The following HAO1 variants were observed in gnomAD, a reference collection of about 807,000 sequenced individuals.
HAO1 encodes hydroxyacid oxidase 1.
Under a neutral mutation model 39.7 loss-of-function variants are expected in HAO1, and 34 were observed. That is an observed-to-expected ratio of 0.86 (90% CI 0.65 to 1.14). The LOEUF is 1.14. Ranked by LOEUF, HAO1 falls within the 50% of genes most tolerant of loss-of-function variation. The pLI is 0.00. For synonymous variants in HAO1, 172 were observed against 173.2 expected (o/e 0.99, Z 0.05); for missense variants, 479 against 464.5 (o/e 1.03, Z -0.29).
intron 4 of HAO1, among the ~76,000 whole-genome samples, chr20:7,895,781 C>T (rs1446171423): frequency 6.6e-6 from 1 of 152,164 alleles, no homozygotes; most frequent in Non-Finnish European, 1.5e-5. Context: ...GGTGCAGTGG[C>T]TCATGCCTGT....
chr20:7,926,605 A>T (rs902287238), intron 2 of HAO1, among the ~76,000 whole-genome samples: 6 of 152,144 alleles, frequency 3.9e-5, no homozygotes, highest in Non-Finnish European at 7.4e-5. Flanking sequence ...AAAATCCAGA[A>T]AATTCAACAG....
At chr20:7,911,277 G>A (rs938549887) in intron 3 of HAO1, among the ~76,000 whole-genome samples, 8 of 152,130 alleles carry the variant, frequency 5.3e-5, no homozygotes, top group South Asian at 2.1e-4. Context: ...TGGCTGCTGC[G>A]ATCAATAAAT....
At chr20:7,911,822 C>CTA (rs1467826952) in intron 3 of HAO1, among the ~76,000 whole-genome samples, 2 of 152,236 alleles carry the variant, frequency 1.3e-5, no homozygotes, top group African/African-American at 4.8e-5. Context: ...GCTTCACTTT[C>CTA]TATGAGTCAG....
intron 3 of HAO1, among the ~76,000 whole-genome samples, chr20:7,910,170 C>A (rs1413856591): frequency 6.6e-6 from 1 of 152,076 alleles, no homozygotes; most frequent in Non-Finnish European, 1.5e-5. Flanking sequence ...AGAATCCCTG[C>A]CCATGGTAAG....
chr20:7,893,771 C>T (rs28599710), intron 5 of HAO1, among the ~76,000 whole-genome samples: 4,904 of 152,184 alleles, frequency 0.032, 273 homozygotes, highest in African/African-American at 0.11. Context: ...TTCAGAGAGA[C>T]TGATTTTAGT....
intron 2 of HAO1, among the ~76,000 whole-genome samples, chr20:7,923,408 A>C (rs1181486008): frequency 6.6e-6 from 1 of 152,176 alleles, no homozygotes; most frequent in Admixed American, 6.5e-5. Flanking sequence ...AAGCAAAAAT[A>C]GGAAATCCAT....
intron 2 of HAO1, among the ~76,000 whole-genome samples, chr20:7,914,930 C>G (rs769122893): frequency 6.6e-6 from 1 of 152,038 alleles, no homozygotes; most frequent in Non-Finnish European, 1.5e-5. Flanking sequence ...ACCAGCCTGA[C>G]CAACGTGGTG....
At chr20:7,940,240 C>A in intron 1 of HAO1, 46 bp downstream of exon 1, 1 of 1,483,424 alleles carries the variant, frequency 6.7e-7, no homozygotes, top group Non-Finnish European at 9.2e-7. Context: ...TTGGTACGGT[C>A]TTTGTGTAAT....
intron 3 of HAO1, among the ~76,000 whole-genome samples, chr20:7,909,379 G>GTATATATATA (rs869068490): frequency 1.8e-5 from 2 of 108,240 alleles, no homozygotes; most frequent in African/African-American, 4.4e-5. Flanking sequence ...ATATATATAT[G>GTATATATATA]TATATATATA....
At chr20:7,935,230 T>TA (rs1158159302) in intron 1 of HAO1, among the ~76,000 whole-genome samples, 1 of 152,160 alleles carries the variant, frequency 6.6e-6, no homozygotes, top group Non-Finnish European at 1.5e-5. Context: ...CATACAGGGG[T>TA]ACTATCATTT....
chr20:7,885,804 C>T lies in HAO1; in HGVS notation c.874G>A (p.Gly292Arg), dbSNP rs186791070. The change falls in exon 6 of 8, where the codon GGG becomes AGG. Residue 292 changes from glycine (G) to arginine (R), a missense_variant. Transcript: ENST00000378789. ...VEGKVEVFLD[G>R]GVRKGTDVLK... ...ACATCAGTGCCTTTCCGCACACCCCCGTCCAGGAAGACTTCCACCTTCCCT... is the reference window on the plus strand; with the variant it reads ...ACATCAGTGCCTTTCCGCACACCCCTGTCCAGGAAGACTTCCACCTTCCCT... 27 of 1,613,374 alleles carry T rather than the reference C, an allele frequency of 1.7e-5. No homozygotes were observed. Among genetic ancestry groups the T allele is most frequent in the Non-Finnish European group, 2.0e-5 (23 of 1,179,332 alleles).
chr20:7,883,572 A>T lies in HAO1; in HGVS notation c.*21T>A, dbSNP rs1359239824. On this transcript the variant is annotated 3_prime_UTR_variant, in exon 8 of 8. Transcript: ENST00000378789. ...TACATGCTGAAAAAAAATAATACAG[A>T]TGGGAAAATATTGTGCACTGTCAGA... 1 of 1,583,730 alleles carries T rather than the reference A, an allele frequency of 6.3e-7. No individual in the cohort carries two copies. Among genetic ancestry groups the T allele is most frequent in the Non-Finnish European group, 8.7e-7 (1 of 1,152,300 alleles).
intron 5 of HAO1, among the ~76,000 whole-genome samples, chr20:7,887,690 A>G (rs1413028876): frequency 6.6e-6 from 1 of 152,154 alleles, no homozygotes; most frequent in Non-Finnish European, 1.5e-5. Flanking sequence ...AAAAAATACT[A>G]TCTAGCTTGG....
intron 1 of HAO1, among the ~76,000 whole-genome samples, chr20:7,935,029 CT>C (rs1279724601): frequency 6.6e-6 from 1 of 152,224 alleles, no homozygotes; most frequent in Non-Finnish European, 1.5e-5. Context: ...GTTCAATCCC[CT>C]GACAACCACT....
At chr20:7,909,361 A>ATATATATATATATATATG (rs1010827663) in intron 3 of HAO1, among the ~76,000 whole-genome samples, 1 of 79,144 alleles carries the variant, frequency 1.3e-5, no homozygotes, top group Non-Finnish European at 2.1e-5. Context: ...GGATTATGAC[A>ATATATATATATATATATG]TATATATATA....
intron 4 of HAO1, among the ~76,000 whole-genome samples, chr20:7,898,473 G>A (rs895165454): frequency 7.2e-5 from 11 of 152,132 alleles, no homozygotes; most frequent in Non-Finnish European, 1.5e-4. Flanking sequence ...TTTCAGTGGA[G>A]TCTTGACTTT....
chr20:7,915,405 G>A (rs2050302290), intron 2 of HAO1, among the ~76,000 whole-genome samples: 1 of 151,864 alleles, frequency 6.6e-6, no homozygotes. Flanking sequence ...AAGAGGAAGG[G>A]GAAGTAAGAC....
At chr20:7,934,413 G>T in intron 2 of HAO1, 71 bp downstream of exon 2, 1 of 1,110,160 alleles carries the variant, frequency 9.0e-7, no homozygotes, top group Non-Finnish European at 1.3e-6. Flanking sequence ...ATATTTGCTT[G>T]GTGCATTCAG....
At chr20:7,898,704 A>G (rs1486361938) in intron 4 of HAO1, among the ~76,000 whole-genome samples, 1 of 152,198 alleles carries the variant, frequency 6.6e-6, no homozygotes. Context: ...CAGTGTGACT[A>G]AGAAACTGGA....
Sources: gnomAD v4.1 joint callset for allele counts (sites outside exome capture counted in the v4.1 genomes callset) on GRCh38, gnomAD v4.1.1 for gene constraint, MANE v1.5 for transcripts, NCBI Gene and HGNC (gene_info 2026-07-23, HGNC 2026-07-21) for gene names.